Variants in DDX19A observed in about 807,000 individuals in gnomAD.
DDX19A encodes the protein ATP-dependent RNA helicase DDX19A.
DDX19A carries 12 observed loss-of-function variants against 60.6 expected under a neutral mutation model. The observed-to-expected ratio is 0.20, with a 90% CI of 0.13 to 0.32. The LOEUF (loss-of-function observed/expected upper bound fraction) is 0.32, where lower values mean the gene tolerates loss of function less well. Ranked by LOEUF, DDX19A falls within the 10% of genes least tolerant of loss-of-function variation. DDX19A has a pLI of 1.00. For synonymous variants in DDX19A, 206 were observed against 218.2 expected (o/e 0.94, Z 0.49); for missense variants, 337 against 600.6 (o/e 0.56, Z 4.59).
intron 9 of DDX19A, among the ~76,000 whole-genome samples, chr16:70,368,522 T>A (rs1227641877): frequency 6.6e-6 from 1 of 152,072 alleles, no homozygotes; most frequent in African/African-American, 2.4e-5. Context: ...CCAACTGCCA[T>A]GGCCTCCCAA....
intron 5 of DDX19A, chr16:70,363,979 TC>T (rs1292503942): frequency 6.6e-6 from 1 of 152,278 alleles, no homozygotes; most frequent in Non-Finnish European, 1.5e-5. Context: ...GATCTTGTGA[TC>T]CGCCTGCCTC....
chr16:70,359,177 G>A (rs1964302224), intron 4 of DDX19A, among the ~76,000 whole-genome samples: 1 of 152,188 alleles, frequency 6.6e-6, no homozygotes, highest in South Asian at 2.1e-4. Context: ...TAAAATATTT[G>A]AGTTAATCTG....
chr16:70,368,768 G>T (rs1181614389), intron 9 of DDX19A, among the ~76,000 whole-genome samples: 2 of 152,054 alleles, frequency 1.3e-5, no homozygotes, highest in African/African-American at 4.8e-5. Flanking sequence ...TTTGCTTGTT[G>T]CATTTAGTTG....
At chr16:70,353,129 C>CTTTTTTTTTTTTTTTTTTTTTT (rs1308743627) in intron 2 of DDX19A, among the ~76,000 whole-genome samples, 1 of 144,628 alleles carries the variant, frequency 6.9e-6, no homozygotes. Context: ...TTCTTTCTTT[C>CTTTTTTTTTTTTTTTTTTTTTT]TTTTTTTTTT....
At position 70,366,648 on chromosome 16, in the gene DDX19A, G is replaced by C. The variant is rs773297907; in HGVS notation, c.807G>C (p.Met269Ile). ...GGATGCTGCCCAGGAACTGCCAGAT[G>C]CTGCTTTTCTCCGCCACCTTTGAAG... The part of the protein sequence containing the change: ...IQRMLPRNCQ[M>I]LLFSATFEDS... The change falls in exon 9 of 12, where the codon ATG becomes ATC. Residue 269 changes from methionine (M) to isoleucine (I), a missense_variant. Transcript: ENST00000302243. The C allele has an allele frequency of 1.2e-6, 2 of 1,614,214 alleles. No individual in the cohort carries two copies. The highest frequency in any genetic ancestry group is 4.5e-5 in the East Asian group (2 of 44,878).
chr16:70,355,684 G>A (rs1964164892), intron 3 of DDX19A, 149 bp downstream of exon 3: 14 of 675,954 alleles, frequency 2.1e-5, no homozygotes, highest in Non-Finnish European at 3.4e-5. Context: ...AAACAAGTCC[G>A]AAAGCGGTAG....
chr16:70,367,738 G>T (rs1431804618), intron 9 of DDX19A, among the ~76,000 whole-genome samples: 1 of 152,020 alleles, frequency 6.6e-6, no homozygotes, highest in Admixed American at 6.6e-5. Flanking sequence ...TTAACTGGGT[G>T]TGGTGGTGCA....
chr16:70,350,717 C>A, intron 2 of DDX19A, 112 bp downstream of exon 2: 1 of 762,210 alleles, frequency 1.3e-6, no homozygotes, highest in Non-Finnish European at 2.1e-6. Flanking sequence ...CAGCTGTTTA[C>A]AAGCCAGTGA....
chr16:70,371,062 G>A (rs1964670395), intron 10 of DDX19A: 1 of 504,694 alleles, frequency 2.0e-6, no homozygotes, highest in Admixed American at 3.5e-5. Context: ...TTGGTGGAAG[G>A]AAATGTACAG....
chr16:70,367,466 C>T (rs2151643621), intron 9 of DDX19A, among the ~76,000 whole-genome samples: 1 of 151,784 alleles, frequency 6.6e-6, no homozygotes, highest in South Asian at 2.1e-4. Flanking sequence ...ATAACATTCA[C>T]ACACATAGTT....
chr16:70,350,846 AAATTATTT>A (rs1963988815), intron 2 of DDX19A, among the ~76,000 whole-genome samples: 1 of 142,826 alleles, frequency 7.0e-6, no homozygotes, highest in South Asian at 2.2e-4. Flanking sequence ...ATATTTTGGC[AAATTATTT>A]ATTTATTTAT....
chr16:70,363,835 GT>G (rs1964443558), intron 5 of DDX19A: 1 of 152,152 alleles, frequency 6.6e-6, no homozygotes, highest in African/African-American at 2.4e-5. Flanking sequence ...CGCCTCCCAG[GT>G]TCATGCCATT....
chr16:70,357,368 T>G (rs1226541499), intron 4 of DDX19A, among the ~76,000 whole-genome samples: 1 of 23,388 alleles, frequency 4.3e-5, no homozygotes, highest in African/African-American at 2.1e-4. Flanking sequence ...TTTGGTTTGT[T>G]TTTTTTTTTT....
At chr16:70,364,374 T>C in intron 5 of DDX19A, 169 bp from the exon 6 acceptor site, 1 of 597,480 alleles carries the variant, frequency 1.7e-6, no homozygotes, top group East Asian at 2.8e-5. Context: ...AAGCAGCTTT[T>C]TAACAGCGTA....
At position 70,369,220 on chromosome 16, in the gene DDX19A, C is replaced by T. The variant is rs556842946; in HGVS notation, c.1021-1003C>T. Among the ~76,000 whole-genome samples, 462 of 131,816 alleles carry T rather than the reference C, an allele frequency of 3.5e-3. 2 individuals carry two copies. The highest frequency in any genetic ancestry group is 5.2e-3 in the Non-Finnish European group (336 of 64,580). The allele number at this position is 131,816 out of a possible 152,430, so 86.5% of individuals were successfully genotyped here. On this transcript the variant is annotated intron_variant, in intron 9 of 11. Coordinates refer to ENST00000302243, the MANE Select transcript of DDX19A (RefSeq NM_018332.5). ...TTTTGAAACGGAATCTCGCCTCTTG[C>T]CCAGGCTGGAGTGCAATGGCATGAT...
At chr16:70,348,943 C>CA (rs1445100645) in intron 1 of DDX19A, among the ~76,000 whole-genome samples, 1 of 151,006 alleles carries the variant, frequency 6.6e-6, no homozygotes, top group Non-Finnish European at 1.5e-5. Context: ...GACCCTGTTT[C>CA]AAAAAAAGAA....
At position 70,371,517 on chromosome 16, in the gene DDX19A, C is replaced by G; in HGVS notation, c.1329C>G (p.Asp443Glu). Reference sequence around the variant, plus strand: ...GGGGCCTGGCAGTGAACATGGTGGACAGCAAGCACAGCATGAACATCCTGA... The same window carrying G: ...GGGGCCTGGCAGTGAACATGGTGGAGAGCAAGCACAGCATGAACATCCTGA... ...GKRGLAVNMV[D>E]SKHSMNILNR... Residue 443 changes from aspartate (D) to glutamate (E), a missense_variant, in exon 11 of 12, where the codon GAC becomes GAG. Asp to Glu is a conservative substitution (Grantham distance 45). Coordinates refer to ENST00000302243, the MANE Select transcript of DDX19A (RefSeq NM_018332.5). 1 of 1,552,330 alleles carries G rather than the reference C, an allele frequency of 6.4e-7. No homozygotes were observed. The highest frequency in any genetic ancestry group is 8.7e-7 in the Non-Finnish European group (1 of 1,144,842).
At chr16:70,353,129 C>CTTTTTTT (rs1308743627) in intron 2 of DDX19A, among the ~76,000 whole-genome samples, 12,060 of 144,396 alleles carry the variant, frequency 0.084, 1,665 homozygotes, top group African/African-American at 0.29. Flanking sequence ...TTCTTTCTTT[C>CTTTTTTT]TTTTTTTTTT....
intron 11 of DDX19A, 50 bp from the exon 12 acceptor site, chr16:70,371,875 G>A (rs1225009734): frequency 1.2e-6 from 2 of 1,613,874 alleles, no homozygotes; most frequent in Non-Finnish European, 1.7e-6. Context: ...TGTGGCCTGA[G>A]GTGGGGCACA....
Sources: allele counts gnomAD v4.1 joint callset (sites outside exome capture counted in the v4.1 genomes callset), GRCh38; gene constraint gnomAD v4.1.1; transcripts MANE v1.5; gene names NCBI Gene and HGNC (gene_info 2026-07-23, HGNC 2026-07-21).